ZNF609: variants seen among roughly 807,000 people sequenced by gnomAD.
ZNF609 encodes the protein zinc finger protein 609.
ZNF609 carries 11 observed loss-of-function variants against 109.5 expected under a neutral mutation model. The observed-to-expected ratio is 0.10, with a 90% CI of 0.06 to 0.17. The LOEUF (loss-of-function observed/expected upper bound fraction) is 0.17. Ranked by LOEUF, ZNF609 falls within the 10% of genes least tolerant of loss-of-function variation. ZNF609 has a pLI of 1.00. For missense variants in ZNF609, 1,559 were observed against 1,772.4 expected (o/e 0.88, Z 2.16); for synonymous variants, 646 against 662.0 (o/e 0.98, Z 0.37).
intron 2 of ZNF609, 121 bp from the exon 3 acceptor site, chr15:64,622,706 C>G: frequency 1.2e-6 from 1 of 830,496 alleles, no homozygotes; most frequent in East Asian, 2.4e-5. Flanking sequence ...GAACCAAAGT[C>G]TTATTTATAG....
intron 3 of ZNF609, among the ~76,000 whole-genome samples, chr15:64,668,494 G>T (rs1227726629): frequency 1.3e-5 from 2 of 152,168 alleles, no homozygotes; most frequent in Non-Finnish European, 2.9e-5. Flanking sequence ...AGCCAAGTGT[G>T]GTGGCTCACA....
intron 1 of ZNF609, among the ~76,000 whole-genome samples, chr15:64,494,174 T>G (rs902544965): frequency 9.2e-5 from 14 of 152,190 alleles, no homozygotes; most frequent in African/African-American, 3.4e-4. Flanking sequence ...ATGTTTTCTT[T>G]GCATCCTGGT....
rs761896103 is a variant in ZNF609, at chr15:64,674,239, G to A, written c.1385G>A (p.Arg462His). Reference protein sequence around the residue: ...SSSEDSKGSKRVRTNSMGSAT... With the variant: ...SSSEDSKGSKHVRTNSMGSAT... ...TCAGAGGACTCCAAAGGGAGCAAGC[G>A]TGTCCGTACTAATTCCATGGGCTCA... The change falls in exon 5 of 10, where the codon CGT becomes CAT. Residue 462 changes from arginine (R) to histidine (H), a missense_variant. Physicochemically the swap from Arg to His is conservative, Grantham distance 29. This residue lies in a region of ZNF609 where 1,204 missense variants were observed against 1,314.1 expected (regional missense o/e 0.92). Coordinates refer to ENST00000326648, the MANE Select transcript of ZNF609 (RefSeq NM_015042.2). 3.1e-6 allele frequency: 5 copies of A among 1,614,062 alleles called. No homozygotes were observed. Among genetic ancestry groups the A allele is most frequent in the Non-Finnish European group, 4.2e-6 (5 of 1,180,042 alleles).
At chr15:64,479,219 T>C (rs978944918) in intron 1 of ZNF609, among the ~76,000 whole-genome samples, 1 of 151,204 alleles carries the variant, frequency 6.6e-6, no homozygotes, top group African/African-American at 2.4e-5. Flanking sequence ...CACATTTGGG[T>C]AGGTGACATA....
intron 2 of ZNF609, chr15:64,501,920 G>C (rs191594868): frequency 6.6e-6 from 1 of 152,338 alleles, no homozygotes; most frequent in Admixed American, 6.5e-5. Context: ...TCACATAGAG[G>C]TGCAGGGACT....
chr15:64,576,821 T>C (rs1409850288), intron 2 of ZNF609, among the ~76,000 whole-genome samples: 6 of 14,502 alleles, frequency 4.1e-4, no homozygotes, highest in South Asian at 1.2e-3. Context: ...AGACTCCATC[T>C]CAAAAAAAAA....
At chr15:64,548,005 C>A (rs972394245) in intron 2 of ZNF609, among the ~76,000 whole-genome samples, 2 of 152,092 alleles carry the variant, frequency 1.3e-5, no homozygotes, top group Admixed American at 6.6e-5. Flanking sequence ...ATTAATTATT[C>A]AATGATGACC....
intron 2 of ZNF609, among the ~76,000 whole-genome samples, chr15:64,510,281 T>G (rs1433954927): frequency 6.6e-6 from 1 of 151,650 alleles, no homozygotes; most frequent in Non-Finnish European, 1.5e-5. Flanking sequence ...CACAGCTCAG[T>G]GCAGCCTCAA....
chr15:64,480,332 G>A (rs1476265575), intron 1 of ZNF609, among the ~76,000 whole-genome samples: 1 of 152,026 alleles, frequency 6.6e-6, no homozygotes, highest in Non-Finnish European at 1.5e-5. Context: ...TCAGGAGTTC[G>A]AGACCAGCCT....
intron 2 of ZNF609, among the ~76,000 whole-genome samples, chr15:64,552,488 C>G (rs1209622135): frequency 6.6e-6 from 1 of 152,064 alleles, no homozygotes; most frequent in Non-Finnish European, 1.5e-5. Flanking sequence ...TCTGCTGCCT[C>G]AGCCTCCTAC....
At chr15:64,614,410 A>AT (rs1267343433) in intron 2 of ZNF609, among the ~76,000 whole-genome samples, 2 of 150,574 alleles carry the variant, frequency 1.3e-5, no homozygotes, top group African/African-American at 2.4e-5. Context: ...TTTTATTTTT[A>AT]TTTTTAGTAG....
intron 3 of ZNF609, among the ~76,000 whole-genome samples, chr15:64,654,987 TC>T (rs917362578): frequency 4.0e-5 from 6 of 151,152 alleles, no homozygotes; most frequent in African/African-American, 1.5e-4. Flanking sequence ...TCCCAGCTAC[TC>T]GGGAGGTTGA....
chr15:64,631,498 C>T (rs1444446328), intron 3 of ZNF609: 5 of 693,142 alleles, frequency 7.2e-6, no homozygotes, highest in Middle Eastern at 2.6e-4. Context: ...TATAGATTCG[C>T]ATATACATGG....
intron 2 of ZNF609, among the ~76,000 whole-genome samples, chr15:64,511,889 A>T (rs761995270): frequency 6.6e-6 from 1 of 151,314 alleles, no homozygotes; most frequent in Non-Finnish European, 1.5e-5. Context: ...TAATTTTTGT[A>T]TTTTTAGTAG....
intron 2 of ZNF609, among the ~76,000 whole-genome samples, chr15:64,596,092 TG>T (rs1895392642): frequency 6.6e-6 from 1 of 152,188 alleles, no homozygotes; most frequent in Non-Finnish European, 1.5e-5. Flanking sequence ...TGTTTTTCCA[TG>T]GTGTGTCTAG....
intron 3 of ZNF609, among the ~76,000 whole-genome samples, chr15:64,652,171 G>A (rs944143245): frequency 1.3e-5 from 2 of 151,256 alleles, no homozygotes; most frequent in African/African-American, 4.9e-5. Flanking sequence ...GATTACAGGC[G>A]AGCCAACACA....
chr15:64,605,178 A>G (rs1343490086), intron 2 of ZNF609, among the ~76,000 whole-genome samples: 1 of 152,154 alleles, frequency 6.6e-6, no homozygotes, highest in Admixed American at 6.6e-5. Context: ...GTCTGGCAAA[A>G]TGGCCTCTCG....
chr15:64,676,480 G>C (rs1167950701), intron 5 of ZNF609, among the ~76,000 whole-genome samples: 4 of 152,076 alleles, frequency 2.6e-5, no homozygotes, highest in African/African-American at 9.7e-5. Flanking sequence ...GCCCAGGCTA[G>C]AGTGCAGTGG....
intron 3 of ZNF609, among the ~76,000 whole-genome samples, chr15:64,628,152 A>G (rs1219211061): frequency 6.6e-6 from 1 of 151,804 alleles, no homozygotes. Flanking sequence ...CCATGGAATC[A>G]GGGCCAGGCA....
Sources: gnomAD v4.1 joint callset for allele counts (sites outside exome capture counted in the v4.1 genomes callset) on GRCh38, gnomAD v4.1.1 for gene constraint, gnomAD v4.1.1 regional missense constraint, MANE v1.5 for transcripts, NCBI Gene and HGNC (gene_info 2026-07-23, HGNC 2026-07-21) for gene names.